The following ABCB4 variants were observed in gnomAD, a reference collection of about 807,000 sequenced individuals.
ABCB4 encodes the protein ATP binding cassette subfamily B member 4, also known as phosphatidylcholine translocator ABCB4.
A neutral mutation model predicts 145.7 loss-of-function variants in ABCB4; 76 were observed. That is an observed-to-expected ratio of 0.52 (90% confidence interval 0.43 to 0.63). ABCB4 has a LOEUF of 0.63. Ranked by LOEUF, ABCB4 falls within the 30% of genes least tolerant of loss-of-function variation. ABCB4 has a pLI of 0.00. For synonymous variants in ABCB4, 517 were observed against 566.8 expected (o/e 0.91, Z 1.25); for missense variants, 1,234 against 1,553.1 (o/e 0.79, Z 3.45).
intron 10 of ABCB4, among the ~76,000 whole-genome samples, chr7:87,444,273 G>T (rs902317857): frequency 6.6e-6 from 1 of 152,124 alleles, no homozygotes; most frequent in Non-Finnish European, 1.5e-5. Flanking sequence ...CTTTTCTCAC[G>T]ACTTGGATCA....
chr7:87,392,955 G>C, the ABCB4 span: 1 of 1,613,614 alleles, frequency 6.2e-7, no homozygotes, highest in Non-Finnish European at 8.5e-7. Context: ...CAGCGGAGGA[G>C]GTGGAAATTT....
At chr7:87,443,215 A>G in intron 12 of ABCB4, 104 bp downstream of exon 12, 1 of 1,490,242 alleles carries the variant, frequency 6.7e-7, no homozygotes, top group Non-Finnish European at 9.3e-7. Flanking sequence ...TAGGCTTTTT[A>G]CCAAAACTGG....
At chr7:87,429,753 A>G (rs1343047823) in intron 15 of ABCB4, among the ~76,000 whole-genome samples, 1 of 152,194 alleles carries the variant, frequency 6.6e-6, no homozygotes, top group African/African-American at 2.4e-5. Context: ...CGGCAGAGAC[A>G]CTATCATTGA....
intron 23 of ABCB4, 94 bp downstream of exon 23, chr7:87,411,799 G>A: frequency 2.5e-6 from 3 of 1,199,406 alleles, no homozygotes; most frequent in Non-Finnish European, 2.4e-6. Flanking sequence ...CTCATCTTTG[G>A]ACACAGGAGT....
At chr7:87,430,394 T>C (rs1810132071) in intron 15 of ABCB4, among the ~76,000 whole-genome samples, 1 of 152,160 alleles carries the variant, frequency 6.6e-6, no homozygotes, top group South Asian at 2.1e-4. Flanking sequence ...GTTCATAGAA[T>C]AAAATATTCT....
At chr7:87,397,418 A>G (rs1027228559), downstream of ABCB4, among the ~76,000 whole-genome samples, 4 of 152,158 alleles carry the variant, frequency 2.6e-5, no homozygotes, top group African/African-American at 9.7e-5. Context: ...TTACCTATGA[A>G]GTAAAACATG....
In ABCB4 at chr7:87,444,947, A is replaced by C. The variant is rs1377896252; in HGVS notation, c.1034T>G (p.Phe345Cys). 6.2e-7 allele frequency: 1 copy of C among 1,605,556 alleles called. No homozygotes were observed. The highest frequency in any genetic ancestry group is 1.3e-5 in the African/African-American group (1 of 74,896). The change falls in exon 10 of 28, where the codon TTC becomes TGC. Residue 345 changes from phenylalanine to cysteine, a missense_variant. Coordinates refer to ENST00000649586, the MANE Select transcript of ABCB4 (RefSeq NM_000443.4). ...TVFFSILIGA[F>C]SVGQAAPCID... ...ACATGGGGCAGCCTGGCCAACACTG[A>C]AAGCTCCAATTAGGATTGAAAAAAA...
chr7:87,467,915 T>C (rs1398381389), intron 3 of ABCB4, among the ~76,000 whole-genome samples: 1 of 152,218 alleles, frequency 6.6e-6, no homozygotes, highest in Non-Finnish European at 1.5e-5. Flanking sequence ...GGGAAATTAA[T>C]AGCACTAAAT....
chr7:87,375,646 T>G, the ABCB4 span: 1 of 1,612,876 alleles, frequency 6.2e-7, no homozygotes, highest in Non-Finnish European at 8.5e-7. Flanking sequence ...CTGACATATA[T>G]CCACAAGAAG....
chr7:87,412,184 T>C, intron 22 of ABCB4, 151 bp from the exon 23 acceptor site: 1 of 780,152 alleles, frequency 1.3e-6, no homozygotes, highest in South Asian at 1.6e-5. Flanking sequence ...TCTCTAAACA[T>C]TTATACCATG....
At chr7:87,402,642 T>C (rs45537731) in intron 27 of ABCB4, among the ~76,000 whole-genome samples, 3,600 of 152,326 alleles carry the variant, frequency 0.024, 83 homozygotes, top group Non-Finnish European at 0.035. Context: ...TTCTTTTGAA[T>C]GCTTTACTTT....
chr7:87,449,418 TTTTA>T (rs769895870), intron 8 of ABCB4, among the ~76,000 whole-genome samples: 4 of 152,182 alleles, frequency 2.6e-5, no homozygotes, highest in African/African-American at 9.6e-5. Context: ...TTTTTGGGGC[TTTTA>T]TTTATTTATT....
chr7:87,391,443 A>T, the ABCB4 span: 1 of 692,890 alleles, frequency 1.4e-6, no homozygotes, highest in Non-Finnish European at 2.2e-6. Context: ...TATTGGAAAT[A>T]GGCTCTTTTT....
At position 87,454,653 on chromosome 7, in the gene ABCB4, G is replaced by A. The variant is rs45626341; in HGVS notation, c.287-61C>T. The A allele has an allele frequency of 0.036, 44,090 of 1,238,924 alleles. 1,107 individuals are homozygous for A. The highest frequency in any genetic ancestry group is 0.039 in the Non-Finnish European group (34,147 of 865,468). 76.7% of individuals were successfully genotyped at this position (1,238,924 alleles called of 1,614,324 possible). On this transcript the variant is annotated intron_variant, in intron 4 of 27. Coordinates refer to ENST00000649586, the MANE Select transcript of ABCB4 (RefSeq NM_000443.4). ...TCAAACTATTAATAGGCATTGCCAG[G>A]TTTTTAAAAATCTGTTAATAATTTA...
intron 15 of ABCB4, among the ~76,000 whole-genome samples, chr7:87,429,747 A>G (rs1319879703): frequency 6.6e-6 from 1 of 152,180 alleles, no homozygotes. Context: ...AGCATTCGGC[A>G]GAGACACTAT....
chr7:87,412,354 C>A (rs1584685116), intron 22 of ABCB4, among the ~76,000 whole-genome samples: 3 of 152,102 alleles, frequency 2.0e-5, no homozygotes, highest in Admixed American at 6.6e-5. Context: ...GTTGTTGTTT[C>A]AAAAATACCT....
chr7:87,469,821 C>T (rs1813231393), intron 3 of ABCB4, among the ~76,000 whole-genome samples: 1 of 152,134 alleles, frequency 6.6e-6, no homozygotes, highest in African/African-American at 2.4e-5. Context: ...TCAATGCCAT[C>T]CCCATCAAGC....
chr7:87,426,211 C>G (rs1298809174), intron 16 of ABCB4, among the ~76,000 whole-genome samples: 2 of 152,028 alleles, frequency 1.3e-5, no homozygotes, highest in African/African-American at 4.8e-5. Flanking sequence ...CATAAGTGAC[C>G]CTGAGGATGG....
chr7:87,438,720 C>T (rs1810774793), intron 14 of ABCB4, among the ~76,000 whole-genome samples: 2 of 152,054 alleles, frequency 1.3e-5, no homozygotes, highest in African/African-American at 4.8e-5. Flanking sequence ...CTGCACTCCA[C>T]GCTGGGTGAC....
Sources: allele counts gnomAD v4.1 joint callset (sites outside exome capture counted in the v4.1 genomes callset), GRCh38; gene constraint gnomAD v4.1.1; transcripts MANE v1.5; gene names NCBI Gene and HGNC (gene_info 2026-07-23, HGNC 2026-07-21).